The following EPB41L4B variants were observed in gnomAD, a reference collection of about 807,000 sequenced individuals.
EPB41L4B encodes erythrocyte membrane protein band 4.1 like 4B.
Under a neutral mutation model 112.5 loss-of-function variants are expected in EPB41L4B, and 30 were observed. That is an observed-to-expected ratio of 0.27 (90% CI 0.20 to 0.36). EPB41L4B has a LOEUF of 0.36. Ranked by LOEUF, EPB41L4B falls within the 10% of genes least tolerant of loss-of-function variation. EPB41L4B has a pLI of 1.00. For synonymous variants in EPB41L4B, 408 were observed against 439.7 expected, an observed-to-expected ratio of 0.93 and a Z score of 0.90; for missense variants, 1,024 against 1,133.3, an observed-to-expected ratio of 0.90 and a Z score of 1.38.
intron 14 of EPB41L4B, 31 bp from the exon 15 acceptor site, chr9:109,243,713 G>T: frequency 6.2e-7 from 1 of 1,605,638 alleles, no homozygotes; most frequent in Non-Finnish European, 8.5e-7. Flanking sequence ...TTGATTATTT[G>T]ATGACCTTTT....
intron 7 of EPB41L4B, among the ~76,000 whole-genome samples, chr9:109,257,897 A>C (rs1282689988): frequency 6.6e-6 from 1 of 152,192 alleles, no homozygotes; most frequent in Non-Finnish European, 1.5e-5. Context: ...CGGGAGGCTG[A>C]GGCAGGAGGA....
At chr9:109,216,802 C>G in intron 16 of EPB41L4B, 120 bp downstream of exon 16, 1 of 1,030,290 alleles carries the variant, frequency 9.7e-7, no homozygotes, top group Non-Finnish European at 1.5e-6. Context: ...GGTAGCCCAG[C>G]ATAACATGAC....
rs12341878 is a variant in EPB41L4B, at chr9:109,244,573, G to A, written c.1345-891C>T. Among the ~76,000 whole-genome samples, 486 of 150,414 alleles carry A rather than the reference G, an allele frequency of 3.2e-3. 1 individual carries two copies. The highest frequency in any genetic ancestry group is 5.3e-3 in the Admixed American group (80 of 14,980). On this transcript the variant is annotated intron_variant, in intron 14 of 25. Coordinates refer to ENST00000374566, the MANE Select transcript of EPB41L4B (RefSeq NM_019114.5). ...CCTGCCTCAGTCTCCTGGGTAGCTG[G>A]GATTACAGGCACGTGCCACCACACC...
intron 7 of EPB41L4B, 27 bp downstream of exon 7, chr9:109,258,150 G>T (rs978369870): frequency 1.6e-5 from 25 of 1,600,482 alleles, no homozygotes; most frequent in Non-Finnish European, 2.1e-5. Flanking sequence ...AGATACATCA[G>T]AATGCTAGAC....
intron 5 of EPB41L4B, among the ~76,000 whole-genome samples, chr9:109,263,827 A>G (rs1835303988): frequency 6.6e-6 from 1 of 152,262 alleles, no homozygotes; most frequent in Non-Finnish European, 1.5e-5. Context: ...CTCAGTGTTA[A>G]GGGCTCTTGC....
intron 1 of EPB41L4B, among the ~76,000 whole-genome samples, 183 bp from the exon 2 acceptor site, chr9:109,280,104 C>G (rs10512229): frequency 0.22 from 33,505 of 152,120 alleles, 4,638 homozygotes; most frequent in Non-Finnish European, 0.3. Context: ...ACTCAAATGC[C>G]ACATAATAGC....
intron 1 of EPB41L4B, among the ~76,000 whole-genome samples, chr9:109,286,509 T>C (rs768868616): frequency 6.6e-6 from 1 of 152,218 alleles, no homozygotes; most frequent in African/African-American, 2.4e-5. Flanking sequence ...CTAGTGGTTA[T>C]AACAGAAGAC....
rs146356027 is a variant in EPB41L4B, at chr9:109,306,032, C to T, written c.306+14109G>A. Among the ~76,000 whole-genome samples the T allele has an allele frequency of 3.6e-3, 549 of 152,284 alleles. 3 individuals are homozygous for T. Among genetic ancestry groups the T allele is most frequent in the African/African-American group, 0.013 (531 of 41,546 alleles). On this transcript the variant is annotated intron_variant, in intron 1 of 25. Coordinates refer to ENST00000374566, the MANE Select transcript of EPB41L4B (RefSeq NM_019114.5). ...TGCCAGAGAGCCACTAGAGTGACAG[C>T]CGTGAAGAAAAACTGGAGAAGTGGA...
In EPB41L4B at chr9:109,276,483, T is replaced by C. The variant is rs10979792; in HGVS notation, c.411+3334A>G. Among the ~76,000 whole-genome samples the C allele has an allele frequency of 6.3e-3, 959 of 152,304 alleles. 24 individuals carry two copies. The East Asian group carries it at 0.093, about 15-fold the overall frequency. ...AAAGATGGGAATGACTAGAGGGTCCTGGGAACTGCTGCTGCCGCACAGCTC... is the reference window on the plus strand; with the variant it reads ...AAAGATGGGAATGACTAGAGGGTCCCGGGAACTGCTGCTGCCGCACAGCTC... On this transcript the variant is annotated intron_variant, in intron 2 of 25. Transcript: ENST00000374566.
intron 15 of EPB41L4B, chr9:109,239,742 A>T: frequency 1.2e-6 from 1 of 827,006 alleles, no homozygotes; most frequent in Non-Finnish European, 1.5e-6. Context: ...TTAAGCAGAG[A>T]GGTATTTATT....
At chr9:109,265,848 T>G (rs980470753) in intron 4 of EPB41L4B, among the ~76,000 whole-genome samples, 5 of 152,210 alleles carry the variant, frequency 3.3e-5, no homozygotes, top group Admixed American at 6.5e-5. Flanking sequence ...GAATCTGAGC[T>G]GTTCAAAAGC....
At chr9:109,285,846 T>C (rs1451797525) in intron 1 of EPB41L4B, among the ~76,000 whole-genome samples, 3 of 152,048 alleles carry the variant, frequency 2.0e-5, no homozygotes, top group Non-Finnish European at 2.9e-5. Flanking sequence ...GCCCAAACAT[T>C]CCGTCTTTCA....
At chr9:109,220,744 C>T (rs10979757) in intron 15 of EPB41L4B, among the ~76,000 whole-genome samples, 13 of 152,042 alleles carry the variant, frequency 8.6e-5, no homozygotes, top group East Asian at 3.9e-4. Context: ...TGTGTGTGTG[C>T]GTGTGTGCAC....
chr9:109,259,247 T>G (rs1041545315), intron 6 of EPB41L4B, among the ~76,000 whole-genome samples: 1 of 152,178 alleles, frequency 6.6e-6, no homozygotes, highest in Non-Finnish European at 1.5e-5. Flanking sequence ...TGCCCATTTG[T>G]TGGAAAAATC....
Position 109,183,032 on chromosome 9 carries a change from C to G in EPB41L4B, c.2419-235G>C, listed in dbSNP as rs557404423. On this transcript the variant is annotated intron_variant, in intron 23 of 25. Transcript: ENST00000374566. ...CTCAGCAGGGATGACAGCCTGGAGT[C>G]TCGTGTTCCTAGAGCGCCCCCACAC... Among the ~76,000 whole-genome samples, 249 of 152,292 alleles carry G rather than the reference C, an allele frequency of 1.6e-3. 1 individual carries two copies. The highest frequency in any genetic ancestry group is 5.7e-3 in the African/African-American group (237 of 41,554).
chr9:109,291,179 C>A (rs1411575072), intron 1 of EPB41L4B, among the ~76,000 whole-genome samples: 5 of 152,166 alleles, frequency 3.3e-5, no homozygotes, highest in African/African-American at 1.2e-4. Context: ...ATAATAGGGG[C>A]CCAGCCTTCC....
rs1554750149 is a variant in EPB41L4B, at chr9:109,226,626, A to ATATATATG, written c.1410-9482_1410-9481insCATATATA. Among the ~76,000 whole-genome samples, 360 of 132,238 alleles carry ATATATATG rather than the reference A, an allele frequency of 2.7e-3. 8 individuals are homozygous for ATATATATG. Among genetic ancestry groups the ATATATATG allele is most frequent in the East Asian group, 7.7e-3 (36 of 4,698 alleles). 86.8% of individuals were successfully genotyped at this position (132,238 alleles called of 152,430 possible). A position where few individuals can be genotyped will look rare whatever the true frequency, so the allele number is the denominator to read the frequency against. ...ATTTTTCATATATATATATATATATATATGAAGAATATATATATATATGAA... is the reference window on the plus strand; with the variant it reads ...ATTTTTCATATATATATATATATATATATATATGTATGAAGAATATATATATATATGAA... On this transcript the variant is annotated intron_variant, in intron 15 of 25. Transcript: ENST00000374566.
intron 8 of EPB41L4B, 62 bp from the exon 9 acceptor site, chr9:109,256,286 C>T: frequency 6.3e-7 from 1 of 1,585,676 alleles, no homozygotes; most frequent in Non-Finnish European, 8.6e-7. Flanking sequence ...CAGCAGAATG[C>T]AAAATGCAAA....
At chr9:109,236,311 T>C (rs1468743859) in intron 15 of EPB41L4B, among the ~76,000 whole-genome samples, 1 of 152,142 alleles carries the variant, frequency 6.6e-6, no homozygotes, top group Non-Finnish European at 1.5e-5. Context: ...AATGCTCGCA[T>C]TTTTCTGCTT....
Sources: allele counts gnomAD v4.1 joint callset (sites outside exome capture counted in the v4.1 genomes callset), GRCh38; gene constraint gnomAD v4.1.1; transcripts MANE v1.5; gene names NCBI Gene and HGNC (gene_info 2026-07-23, HGNC 2026-07-21).